The following SCARA3 variants were observed in gnomAD, a reference collection of about 807,000 sequenced individuals.
SCARA3 encodes the protein scavenger receptor class A member 3, also known as cellular stress response gene protein.
A neutral mutation model predicts 47.0 loss-of-function variants in SCARA3; 39 were observed. The ratio of observed to expected loss-of-function variants is 0.83; its 90% confidence interval spans 0.64 to 1.08. The LOEUF (loss-of-function observed/expected upper bound fraction) is 1.08. Ranked by LOEUF, SCARA3 falls within the 50% of genes least tolerant of loss-of-function variation. SCARA3 has a pLI of 0.00. For synonymous variants in SCARA3, 356 were observed against 334.1 expected, an observed-to-expected ratio of 1.07 and a Z score of -0.71; for missense variants, 724 against 792.3, an observed-to-expected ratio of 0.91 and a Z score of 1.04.
At chr8:27,708,856 G>A in the SCARA3 span, among the ~76,000 whole-genome samples, 1 of 152,096 alleles carries the variant, frequency 6.6e-6, no homozygotes, top group African/African-American at 2.4e-5. Context: ...AAAATTAAAT[G>A]TAAATAAAAT....
intron 1 of SCARA3, among the ~76,000 whole-genome samples, chr8:27,648,194 A>G (rs1214556831): frequency 6.6e-6 from 1 of 152,254 alleles, no homozygotes; most frequent in African/African-American, 2.4e-5. Flanking sequence ...GCTAAGCAAC[A>G]TTCTTCACTT....
chr8:27,710,004 G>A, the SCARA3 span, among the ~76,000 whole-genome samples: 3 of 152,106 alleles, frequency 2.0e-5, no homozygotes, highest in Non-Finnish European at 2.9e-5. Context: ...GCTAAGGGGG[G>A]CGGATCATGA....
At chr8:27,718,956 G>A in the SCARA3 span, among the ~76,000 whole-genome samples, 1 of 152,156 alleles carries the variant, frequency 6.6e-6, no homozygotes, top group Non-Finnish European at 1.5e-5. Flanking sequence ...ACAGTCTCAA[G>A]ACGTAAATAG....
chr8:27,689,635 G>T, the SCARA3 span, among the ~76,000 whole-genome samples: 12,929 of 152,210 alleles, frequency 0.085, 638 homozygotes, highest in East Asian at 0.22. Context: ...TTTTCTAGAA[G>T]CTGGGAACCG....
chr8:27,649,281 A>ACTATGC (rs1449753978), intron 1 of SCARA3, among the ~76,000 whole-genome samples: 1 of 152,076 alleles, frequency 6.6e-6, no homozygotes, highest in African/African-American at 2.4e-5. Flanking sequence ...CTTGGTGGGG[A>ACTATGC]CTATGCTGTG....
intron 1 of SCARA3, among the ~76,000 whole-genome samples, chr8:27,648,107 C>T (rs140611985): frequency 9.8e-4 from 150 of 152,340 alleles, no homozygotes; most frequent in Non-Finnish European, 1.8e-3. Flanking sequence ...TTGCTCATTA[C>T]CTCAAGGTGG....
At chr8:27,682,528 A>G in the SCARA3 span, among the ~76,000 whole-genome samples, 1 of 152,174 alleles carries the variant, frequency 6.6e-6, no homozygotes, top group Non-Finnish European at 1.5e-5. Flanking sequence ...GAATATGTAA[A>G]TATCTCTTGC....
chr8:27,673,521 C>T (rs552895801), downstream of SCARA3, among the ~76,000 whole-genome samples: 12 of 152,282 alleles, frequency 7.9e-5, no homozygotes, highest in South Asian at 2.5e-3. Flanking sequence ...AAGCCTGGAG[C>T]CCTGTTTTTT....
chr8:27,706,458 C>T, the SCARA3 span, among the ~76,000 whole-genome samples: 1 of 151,792 alleles, frequency 6.6e-6, no homozygotes, highest in Non-Finnish European at 1.5e-5. Flanking sequence ...CGTCCTCATG[C>T]TTGAGTTTAG....
downstream of SCARA3, chr8:27,676,530 TA>T (rs770027436): frequency 3.1e-6 from 5 of 1,607,508 alleles, no homozygotes; most frequent in South Asian, 4.4e-5. Flanking sequence ...AACAAACTAT[TA>T]AATATTAGAA....
the SCARA3 span, among the ~76,000 whole-genome samples, chr8:27,686,157 G>A: frequency 6.6e-6 from 1 of 152,104 alleles, no homozygotes; most frequent in African/African-American, 2.4e-5. Flanking sequence ...AGAAATTATT[G>A]TTGCTGGGCG....
the SCARA3 span, among the ~76,000 whole-genome samples, chr8:27,696,950 A>G: frequency 1.3e-5 from 2 of 152,172 alleles, no homozygotes; most frequent in Admixed American, 1.3e-4. Flanking sequence ...AATGTTCTAA[A>G]ATGATATCAT....
rs1269563466 is a variant in SCARA3 at position 27,634,853 on chromosome 8, T to G, written c.7+646T>G. Among the ~76,000 whole-genome samples the G allele has an allele frequency of 2.0e-5, 3 of 151,752 alleles. No individual in the cohort carries two copies. In the East Asian group the frequency reaches 5.8e-4, roughly 29 times the overall value. ...TTGCAGCCAGTTCTTGGGATGGAAA[T>G]AAGAACCAGACATGATCCCAAGTGG... is the stretch of plus-strand genomic sequence containing the variant. On this transcript the variant is annotated intron_variant, in intron 1 of 5. Transcript: ENST00000301904.
intron 1 of SCARA3, among the ~76,000 whole-genome samples, chr8:27,644,031 C>A (rs917349021): frequency 6.6e-6 from 1 of 152,100 alleles, no homozygotes; most frequent in Non-Finnish European, 1.5e-5. Context: ...CCAAGGCATG[C>A]ACCCTCCATC....
At chr8:27,633,602 GC>G (rs34882804), upstream of SCARA3, among the ~76,000 whole-genome samples, 22,633 of 152,142 alleles carry the variant, frequency 0.15, 1,924 homozygotes, top group East Asian at 0.29. Context: ...CTCCCGGTGA[GC>G]CCCCCCATTG....
the SCARA3 span, among the ~76,000 whole-genome samples, chr8:27,718,007 T>A: frequency 3.3e-5 from 5 of 152,282 alleles, no homozygotes; most frequent in South Asian, 1.0e-3. Context: ...CATTTAGGGA[T>A]GCTTACTGTG....
At chr8:27,653,540 T>C (rs1045109397) in intron 3 of SCARA3, among the ~76,000 whole-genome samples, 4 of 149,694 alleles carry the variant, frequency 2.7e-5, no homozygotes, top group Non-Finnish European at 6.0e-5. Context: ...CAATAATATT[T>C]GTTGAAAGAA....
At chr8:27,724,357 A>G in the SCARA3 span, among the ~76,000 whole-genome samples, 1 of 152,188 alleles carries the variant, frequency 6.6e-6, no homozygotes, top group Non-Finnish European at 1.5e-5. Context: ...AAGTAAAATC[A>G]GGAGGATTAA....
the SCARA3 span, among the ~76,000 whole-genome samples, chr8:27,691,851 G>A: frequency 1.3e-5 from 2 of 152,066 alleles, no homozygotes; most frequent in African/African-American, 4.8e-5. Flanking sequence ...TCAGGTAGGA[G>A]GTTATCATAA....
Sources: allele counts gnomAD v4.1 joint callset (sites outside exome capture counted in the v4.1 genomes callset), GRCh38; gene constraint gnomAD v4.1.1; transcripts MANE v1.5; gene names NCBI Gene and HGNC (gene_info 2026-07-23, HGNC 2026-07-21).